Variants in RSBN1L observed in about 807,000 individuals in gnomAD.
The protein encoded by RSBN1L is round spermatid basic protein 1 like, also known as lysine-specific demethylase RSBN1L.
RSBN1L carries 30 observed loss-of-function variants against 67.7 expected under a neutral mutation model. The observed-to-expected ratio is 0.44, with a 90% CI of 0.33 to 0.60. RSBN1L has a LOEUF of 0.60. RSBN1L is among the 20% of genes least tolerant of loss of function. RSBN1L has a pLI of 0.02. For synonymous variants in RSBN1L, 433 were observed against 387.0 expected, an observed-to-expected ratio of 1.12 and a Z score of -1.39; for missense variants, 992 against 1,031.7, an observed-to-expected ratio of 0.96 and a Z score of 0.53.
In RSBN1L at chr7:77,749,713, A is replaced by G. The variant is rs533989034; in HGVS notation, c.993A>G (p.Pro331=). 1.2e-6 allele frequency: 2 copies of G among 1,614,204 alleles called. No individual in the cohort carries two copies. The highest frequency in any genetic ancestry group is 1.3e-5 in the African/African-American group (1 of 75,066). The change falls in exon 3 of 8, where the codon CCA becomes CCG. Residue 331 remains proline, a synonymous_variant. Coordinates refer to ENST00000334955, the MANE Select transcript of RSBN1L (RefSeq NM_198467.3). ...SEFPFVSLKE[P]RVQNNLKRLD... ...TTCCATTTGTCTCATTAAAGGAGCC[A>G]CGAGTTCAGAATAACCTCAAAAGGT...
intron 1 of RSBN1L, among the ~76,000 whole-genome samples, chr7:77,716,242 A>G (rs573906309): frequency 3.5e-4 from 54 of 152,246 alleles, no homozygotes; most frequent in African/African-American, 9.9e-4. Flanking sequence ...TAGGTCCGCA[A>G]TGCATTTTGA....
At chr7:77,747,052 C>T (rs1420328000) in intron 2 of RSBN1L, among the ~76,000 whole-genome samples, 2 of 152,094 alleles carry the variant, frequency 1.3e-5, no homozygotes, top group Non-Finnish European at 2.9e-5. Context: ...GGTGGATCTA[C>T]CATTCTGGGG....
At chr7:77,750,176 A>G (rs1010326689) in intron 3 of RSBN1L, 112 bp downstream of exon 3, 1 of 560,794 alleles carries the variant, frequency 1.8e-6, no homozygotes, top group Non-Finnish European at 2.8e-6. Flanking sequence ...ATATAATGAA[A>G]CCATTTGGGA....
At chr7:77,747,502 A>G (rs1402216312) in intron 2 of RSBN1L, among the ~76,000 whole-genome samples, 2 of 152,074 alleles carry the variant, frequency 1.3e-5, no homozygotes, top group Admixed American at 6.6e-5. Flanking sequence ...CTGTGGCTCA[A>G]AGGTGCCCAG....
At chr7:77,708,057 A>G (rs1208598012) in intron 1 of RSBN1L, among the ~76,000 whole-genome samples, 3 of 152,228 alleles carry the variant, frequency 2.0e-5, no homozygotes, top group African/African-American at 4.8e-5. Context: ...CCCAGTTCTC[A>G]AATACCTTGC....
At chr7:77,727,140 T>A (rs1030003538) in intron 1 of RSBN1L, among the ~76,000 whole-genome samples, 1 of 149,866 alleles carries the variant, frequency 6.7e-6, no homozygotes, top group Non-Finnish European at 1.5e-5. Flanking sequence ...CAGGCTGGAG[T>A]GCAGTGGCAC....
chr7:77,749,607 T>G lies in RSBN1L; in HGVS notation c.887T>G (p.Leu296Arg). ...GAAGATCAAGCAGCCAAAGGCATCC[T>G]AAATGATAACATAAAAGATTACGTT... ...DVEDQAAKGI[L>R]NDNIKDYVGK... Residue 296 changes from leucine to arginine, a missense_variant, in exon 3 of 8, where the codon CTA (leucine) becomes CGA (arginine). Coordinates refer to ENST00000334955, the MANE Select transcript of RSBN1L (RefSeq NM_198467.3). 1 of 1,613,964 alleles carries G rather than the reference T, an allele frequency of 6.2e-7. No individual in the cohort carries two copies. The highest frequency in any genetic ancestry group is 8.5e-7 in the Non-Finnish European group (1 of 1,179,972).
At position 77,702,712 on chromosome 7, in the gene RSBN1L, A is replaced by AT. The variant is rs1431621389; in HGVS notation, c.586+5664dup. On this transcript the variant is annotated intron_variant, in intron 1 of 7. Coordinates refer to ENST00000334955, the MANE Select transcript of RSBN1L (RefSeq NM_198467.3). ...AGAATGGGTGACTTAACAGAAATTA[A>AT]TTTTTTTATAATTCTGGTGGCTGGA... 6.6e-5 allele frequency among the ~76,000 whole-genome samples: 10 copies of AT among 152,178 alleles called. No individual in the cohort carries two copies. In the East Asian group the frequency reaches 1.7e-3, roughly 26 times the overall value.
At chr7:77,718,721 TA>T (rs1363054781) in intron 1 of RSBN1L, among the ~76,000 whole-genome samples, 1 of 152,242 alleles carries the variant, frequency 6.6e-6, no homozygotes. Flanking sequence ...AATTATCTCT[TA>T]ATGCATAACA....
chr7:77,702,521 T>C (rs1790832472), intron 1 of RSBN1L, among the ~76,000 whole-genome samples: 1 of 152,206 alleles, frequency 6.6e-6, no homozygotes, highest in Non-Finnish European at 1.5e-5. Flanking sequence ...TAATGACTAA[T>C]GGACTGCTGT....
chr7:77,768,025 A>G (rs551307936), intron 4 of RSBN1L, among the ~76,000 whole-genome samples: 1 of 150,156 alleles, frequency 6.7e-6, no homozygotes, highest in African/African-American at 2.5e-5. Flanking sequence ...TAATTTTTGT[A>G]TTTTGTAGAG....
chr7:77,728,181 C>T (rs1791231257), intron 1 of RSBN1L, among the ~76,000 whole-genome samples: 1 of 152,122 alleles, frequency 6.6e-6, no homozygotes, highest in Admixed American at 6.6e-5. Context: ...GTTTACTACT[C>T]CCTAGTTTAC....
At chr7:77,719,656 T>C (rs1366113789) in intron 1 of RSBN1L, among the ~76,000 whole-genome samples, 1 of 152,236 alleles carries the variant, frequency 6.6e-6, no homozygotes, top group Non-Finnish European at 1.5e-5. Context: ...TTATTTCTGC[T>C]CTGGAGACCA....
chr7:77,777,498 G>C (rs1035724213), intron 6 of RSBN1L, among the ~76,000 whole-genome samples: 1 of 151,476 alleles, frequency 6.6e-6, no homozygotes, highest in East Asian at 1.9e-4. Context: ...ATATTTTTTG[G>C]TGGATATAGA....
intron 2 of RSBN1L, among the ~76,000 whole-genome samples, chr7:77,743,262 C>CA (rs1380269951): frequency 1.3e-5 from 2 of 151,994 alleles, no homozygotes; most frequent in African/African-American, 4.8e-5. Flanking sequence ...CTTTGTTTCC[C>CA]AGGCTGCTCT....
chr7:77,741,193 GC>G (rs1379790219), intron 2 of RSBN1L, among the ~76,000 whole-genome samples: 1 of 151,150 alleles, frequency 6.6e-6, no homozygotes, highest in Non-Finnish European at 1.5e-5. Flanking sequence ...TACCATGTTG[GC>G]CAGGCTGGTC....
At chr7:77,765,884 G>C (rs541842559) in intron 4 of RSBN1L, among the ~76,000 whole-genome samples, 1 of 152,202 alleles carries the variant, frequency 6.6e-6, no homozygotes, top group African/African-American at 2.4e-5. Context: ...GCAAAGCTAA[G>C]TGGTGGGCCA....
rs1187469893 is a variant in RSBN1L at position 77,781,429 on chromosome 7, TTC to T, written c.*2263_*2264del. The T allele has an allele frequency of 1.3e-5, 2 of 152,222 alleles. No homozygotes were observed. Among genetic ancestry groups the T allele is most frequent in the Non-Finnish European group, 2.9e-5 (2 of 68,034 alleles). The allele number at this position is 152,222 out of a possible 1,614,324, so 9.4% of individuals were successfully genotyped here. On this transcript the variant is annotated 3_prime_UTR_variant, in exon 8 of 8. Transcript: ENST00000334955. Reference sequence around the variant, plus strand: ...AAGAAGGGATGTAGTTAAAATGGTTTTCTGTTTCTCTTTAAAGTTGAAGAATG... The same window carrying T: ...AAGAAGGGATGTAGTTAAAATGGTTTTGTTTCTCTTTAAAGTTGAAGAATG...
chr7:77,767,044 C>CT (rs1584302660), intron 4 of RSBN1L, among the ~76,000 whole-genome samples: 1 of 144,056 alleles, frequency 6.9e-6, no homozygotes, highest in Admixed American at 6.9e-5. Context: ...TTCCCCTTCC[C>CT]TTCCCCTTCC....
Sources: allele counts gnomAD v4.1 joint callset (sites outside exome capture counted in the v4.1 genomes callset), GRCh38; gene constraint gnomAD v4.1.1; transcripts MANE v1.5; gene names NCBI Gene and HGNC (gene_info 2026-07-23, HGNC 2026-07-21).